Variants in AGTPBP1 observed in about 807,000 individuals in gnomAD.
AGTPBP1 encodes ATP/GTP binding carboxypeptidase 1.
Under a neutral mutation model 143.9 loss-of-function variants are expected in AGTPBP1, and 70 were observed. The ratio of observed to expected loss-of-function variants is 0.49; its 90% confidence interval spans 0.40 to 0.59. The LOEUF (loss-of-function observed/expected upper bound fraction) is 0.59, where lower values mean the gene tolerates loss of function less well. Among genes scored for constraint, AGTPBP1 ranks in the 20% least tolerant of loss-of-function variants. The pLI, the probability that AGTPBP1 is intolerant of heterozygous loss-of-function variation, is 0.00. For missense variants in AGTPBP1, 1,229 were observed against 1,464.5 expected (o/e 0.84, Z 2.62); for synonymous variants, 463 against 500.2 (o/e 0.93, Z 0.99).
At chr9:85,634,278 G>T (rs1386926324) in intron 13 of AGTPBP1, among the ~76,000 whole-genome samples, 1 of 151,892 alleles carries the variant, frequency 6.6e-6, no homozygotes, top group Non-Finnish European at 1.5e-5. Flanking sequence ...GAGGTAGGTG[G>T]CAACTCTAAA....
chr9:85,594,124 A>C (rs1188711048), intron 18 of AGTPBP1, among the ~76,000 whole-genome samples: 2 of 152,216 alleles, frequency 1.3e-5, no homozygotes, highest in Non-Finnish European at 2.9e-5. Context: ...AAAGTTTAAC[A>C]TTTAATTGGA....
At chr9:85,602,155 G>T (rs1010856304) in intron 17 of AGTPBP1, among the ~76,000 whole-genome samples, 1 of 151,946 alleles carries the variant, frequency 6.6e-6, no homozygotes, top group African/African-American at 2.4e-5. Flanking sequence ...CAACGAGAAA[G>T]AAATACATGA....
intron 13 of AGTPBP1, among the ~76,000 whole-genome samples, chr9:85,636,745 G>C (rs1404991437): frequency 6.6e-6 from 1 of 151,322 alleles, no homozygotes; most frequent in Non-Finnish European, 1.5e-5. Context: ...AAAAGAGGGA[G>C]GGCAAAAACA....
chr9:85,721,336 C>G (rs1838099666), intron 1 of AGTPBP1, among the ~76,000 whole-genome samples: 1 of 152,110 alleles, frequency 6.6e-6, no homozygotes, highest in South Asian at 2.1e-4. Flanking sequence ...CTTTATGAAT[C>G]TGGGTACTCC....
At chr9:85,712,160 G>A (rs926842315) in intron 2 of AGTPBP1, among the ~76,000 whole-genome samples, 5 of 152,064 alleles carry the variant, frequency 3.3e-5, no homozygotes, top group Non-Finnish European at 5.9e-5. Flanking sequence ...AGCTACTCCA[G>A]AGGCTGAGGC....
chr9:85,723,117 G>A (rs1439683511), intron 1 of AGTPBP1, among the ~76,000 whole-genome samples: 1 of 152,200 alleles, frequency 6.6e-6, no homozygotes, highest in Non-Finnish European at 1.5e-5. Flanking sequence ...CTCCCAGTCA[G>A]GCTACATGGG....
the AGTPBP1 span, among the ~76,000 whole-genome samples, chr9:85,767,180 CTTTTTTT>C: frequency 8.6e-6 from 1 of 116,456 alleles, no homozygotes; most frequent in Non-Finnish European, 1.7e-5. Context: ...TGAGAACATA[CTTTTTTT>C]TTTTTTTTTT....
intron 2 of AGTPBP1, among the ~76,000 whole-genome samples, chr9:85,698,789 T>G (rs1836452120): frequency 6.9e-6 from 1 of 144,458 alleles, no homozygotes. Context: ...GCCTCCTGGG[T>G]TCACGCCATT....
intron 11 of AGTPBP1, among the ~76,000 whole-genome samples, chr9:85,650,280 T>C (rs1206129396): frequency 6.6e-6 from 1 of 152,154 alleles, no homozygotes; most frequent in Non-Finnish European, 1.5e-5. Flanking sequence ...GTTTGAACTG[T>C]GCAGGTTCGT....
intron 25 of AGTPBP1, among the ~76,000 whole-genome samples, chr9:85,557,043 T>C (rs1346171836): frequency 2.6e-5 from 4 of 152,210 alleles, no homozygotes; most frequent in African/African-American, 9.6e-5. Flanking sequence ...AAATATGTAT[T>C]CTTCCTTATG....
chr9:85,675,357 T>C lies in AGTPBP1; in HGVS notation c.436+2079A>G, dbSNP rs546994421. Among the ~76,000 whole-genome samples, 4 of 152,286 alleles carry C rather than the reference T, an allele frequency of 2.6e-5. No homozygotes were observed. In the East Asian group the frequency reaches 7.7e-4, roughly 29 times the overall value. ...CTTCCTTTGTTCTATATCCTATTTT[T>C]CCCAATTTGCATTTTTTAATATTTC... On this transcript the variant is annotated intron_variant, in intron 6 of 25. Coordinates refer to ENST00000357081, the MANE Select transcript of AGTPBP1 (RefSeq NM_001330701.2).
chr9:85,733,982 G>C (rs903968189), intron 1 of AGTPBP1, among the ~76,000 whole-genome samples: 2 of 152,182 alleles, frequency 1.3e-5, no homozygotes, highest in Admixed American at 1.3e-4. Flanking sequence ...GGCTGGGCAC[G>C]GTGGCTCACG....
At chr9:85,669,706 G>A in intron 7 of AGTPBP1, 128 bp from the exon 8 acceptor site, 1 of 552,510 alleles carries the variant, frequency 1.8e-6, no homozygotes, top group East Asian at 3.2e-5. Context: ...TCACCTTAAA[G>A]TCCATCTAAG....
chr9:85,759,313 T>C, the AGTPBP1 span, among the ~76,000 whole-genome samples: 5 of 152,134 alleles, frequency 3.3e-5, no homozygotes, highest in Admixed American at 6.5e-5. Flanking sequence ...ATCAACACAA[T>C]ATACATTCTT....
chr9:85,753,213 C>A, the AGTPBP1 span: 2 of 1,502,468 alleles, frequency 1.3e-6, no homozygotes, highest in African/African-American at 1.4e-5. Context: ...GAGATCTTGT[C>A]TCCAAAAAAA....
At chr9:85,681,745 CTTTT>C (rs1204253430) in intron 3 of AGTPBP1, among the ~76,000 whole-genome samples, 1 of 105,908 alleles carries the variant, frequency 9.4e-6, no homozygotes, top group Non-Finnish European at 1.8e-5. Context: ...GCATTAATAT[CTTTT>C]TTTTTTTTTT....
chr9:85,560,232 C>G (rs1826620341), intron 25 of AGTPBP1, among the ~76,000 whole-genome samples: 2 of 152,152 alleles, frequency 1.3e-5, no homozygotes, highest in Admixed American at 6.5e-5. Flanking sequence ...AAAAAAAATG[C>G]TGATTTACAT....
At chr9:85,648,419 T>G (rs1832948158) in intron 11 of AGTPBP1, among the ~76,000 whole-genome samples, 1 of 152,210 alleles carries the variant, frequency 6.6e-6, no homozygotes, top group African/African-American at 2.4e-5. Context: ...TAACCTGGGT[T>G]GATTTATACT....
intron 21 of AGTPBP1, 84 bp downstream of exon 21, chr9:85,588,214 A>G: frequency 1.4e-5 from 16 of 1,184,298 alleles, no homozygotes; most frequent in Non-Finnish European, 1.8e-5. Flanking sequence ...TAAGTTTGTT[A>G]ACCTGGACAT....
Sources: allele counts gnomAD v4.1 joint callset (sites outside exome capture counted in the v4.1 genomes callset), GRCh38; gene constraint gnomAD v4.1.1; transcripts MANE v1.5; gene names NCBI Gene and HGNC (gene_info 2026-07-23, HGNC 2026-07-21).